ZFHX4: variants seen among roughly 807,000 people sequenced by gnomAD.
ZFHX4 encodes zinc finger homeobox 4, also known as zinc finger homeobox protein 4.
ZFHX4 carries 56 observed loss-of-function variants against 267.6 expected under a neutral mutation model. The ratio of observed to expected loss-of-function variants is 0.21; its 90% CI spans 0.17 to 0.26. The LOEUF (loss-of-function observed/expected upper bound fraction) is 0.26. ZFHX4 is among the 10% of genes least tolerant of loss of function. The probability of loss-of-function intolerance (pLI) is 1.00; values close to 1 mark genes in which losing one functional copy is unlikely to be tolerated. For synonymous variants in ZFHX4, 1,778 were observed against 1,665.6 expected (o/e 1.07, Z -1.64); for missense variants, 4,332 against 4,420.0 (o/e 0.98, Z 0.56).
chr8:76,804,233 C>G (rs766649445), intron 4 of ZFHX4, among the ~76,000 whole-genome samples: 7 of 151,962 alleles, frequency 4.6e-5, no homozygotes, highest in Non-Finnish European at 1.0e-4. Context: ...ACAATCAAGG[C>G]TTTTCCACCG....
chr8:76,705,504 G>C lies in ZFHX4; in HGVS notation c.1416G>C (p.Glu472Asp). 1 of 1,613,696 alleles carries C rather than the reference G, an allele frequency of 6.2e-7. No individual in the cohort carries two copies. Among genetic ancestry groups the C allele is most frequent in the Non-Finnish European group, 8.5e-7 (1 of 1,179,772 alleles). The change falls in exon 2 of 11, where the codon GAG becomes GAC. Residue 472 changes from glutamate to aspartate, a missense_variant. This residue lies in a region of ZFHX4 where 1,195 missense variants were observed against 1,173.6 expected (regional missense o/e 1.02). Coordinates refer to ENST00000651372, the MANE Select transcript of ZFHX4 (RefSeq NM_024721.5). The stretch of plus-strand genomic sequence containing the variant: ...GTGAACCCACTGAACCGGGAGATGA[G>C]GATGAAGAAGATGCGTACTCCAATG... ...VKSEPTEPGDEDEEDAYSNEL... is the reference protein window; with the variant it reads ...VKSEPTEPGDDDEEDAYSNEL...
At chr8:76,725,291 C>CT (rs1207505188) in intron 3 of ZFHX4, among the ~76,000 whole-genome samples, 1 of 152,104 alleles carries the variant, frequency 6.6e-6, no homozygotes, top group African/African-American at 2.4e-5. Flanking sequence ...TCGTATTTAA[C>CT]TACCTGTAAG....
At chr8:76,765,887 C>T (rs1585922335) in intron 3 of ZFHX4, among the ~76,000 whole-genome samples, 1 of 151,958 alleles carries the variant, frequency 6.6e-6, no homozygotes, top group South Asian at 2.1e-4. Context: ...GACCATACTG[C>T]CATTAATTAA....
rs1813011039 is a variant in ZFHX4, at chr8:76,865,807, A to G, written c.*1242A>G. The G allele has an allele frequency of 6.6e-6, 1 of 152,600 alleles. No homozygotes were observed. 9.5% of individuals were successfully genotyped at this position (152,600 alleles called of 1,614,324 possible). Reference sequence around the variant, plus strand: ...CCCTATACACTGCCATTTAGTGGATAGGTTATTGTACTTCCATTCATACTC... The same window carrying G: ...CCCTATACACTGCCATTTAGTGGATGGGTTATTGTACTTCCATTCATACTC... On this transcript the variant is annotated 3_prime_UTR_variant, in exon 11 of 11. Coordinates refer to ENST00000651372, the MANE Select transcript of ZFHX4 (RefSeq NM_024721.5).
rs867201237 is a variant in ZFHX4 at position 76,738,647 on chromosome 8, C to T, written c.3093+30599C>T. 4.2e-5 allele frequency among the ~76,000 whole-genome samples: 6 copies of T among 142,260 alleles called. No homozygotes were observed. In the South Asian group the frequency reaches 6.9e-4, roughly 16 times the overall value. 93.3% of individuals were successfully genotyped at this position (142,260 alleles called of 152,430 possible). ...CCTTCTTTCCTTCCTTCCTTCCTTC[C>T]TTCTTTCCTTCCTCCCTCCCTCCCT... is the stretch of plus-strand genomic sequence containing the variant. On this transcript the variant is annotated intron_variant, in intron 3 of 10. Transcript: ENST00000651372.
chr8:76,853,364 T>C lies in ZFHX4; in HGVS notation c.6443T>C (p.Phe2148Ser). The C allele has an allele frequency of 2.5e-6, 4 of 1,613,828 alleles. No individual in the cohort carries two copies. Among genetic ancestry groups the C allele is most frequent in the Non-Finnish European group, 3.4e-6 (4 of 1,179,864 alleles). The change falls in exon 10 of 11, where the codon TTT becomes TCT. Residue 2148 changes from phenylalanine (F) to serine (S), a missense_variant. Physicochemically the swap from Phe to Ser is radical, Grantham distance 155 (BLOSUM62 -2). This residue lies in a region of ZFHX4 where 48 missense variants were observed against 95.4 expected (regional missense o/e 0.50). Coordinates refer to ENST00000651372, the MANE Select transcript of ZFHX4 (RefSeq NM_024721.5). ...CAGCTAAAAATCCTGAGGGCTTATT[T>C]TGACATTAATAATTCTCCAAGTGAA... is the stretch of plus-strand genomic sequence containing the variant. ...DDQLKILRAYFDINNSPSEEQ... is the reference protein window; with the variant it reads ...DDQLKILRAYSDINNSPSEEQ...
chr8:76,699,283 A>C (rs1312646825), intron 1 of ZFHX4, among the ~76,000 whole-genome samples: 1 of 152,162 alleles, frequency 6.6e-6, no homozygotes, highest in Non-Finnish European at 1.5e-5. Flanking sequence ...TTGGAACATA[A>C]TGACTCCTTA....
At chr8:76,856,403 G>A (rs1353073851) in intron 10 of ZFHX4, 103 bp downstream of exon 10, 2 of 1,307,388 alleles carry the variant, frequency 1.5e-6, no homozygotes, top group East Asian at 5.0e-5. Flanking sequence ...TTTAATTTCA[G>A]CTAGTGAAAT....
chr8:76,805,394 C>G (rs1811220297), intron 4 of ZFHX4, among the ~76,000 whole-genome samples: 2 of 152,014 alleles, frequency 1.3e-5, no homozygotes. Flanking sequence ...TAAAGGACTA[C>G]CTAATTTAGT....
intron 3 of ZFHX4, among the ~76,000 whole-genome samples, chr8:76,745,167 T>C (rs1585903283): frequency 6.6e-6 from 1 of 152,142 alleles, no homozygotes; most frequent in South Asian, 2.1e-4. Flanking sequence ...GCACCATGGG[T>C]ATGATGCATG....
At chr8:76,702,670 T>G (rs1020345897) in intron 1 of ZFHX4, among the ~76,000 whole-genome samples, 1 of 152,216 alleles carries the variant, frequency 6.6e-6, no homozygotes, top group East Asian at 1.9e-4. Flanking sequence ...GCAACATTAA[T>G]CTTTCTTGTT....
chr8:76,855,321 T>G lies in ZFHX4; in HGVS notation c.8400T>G (p.Phe2800Leu). ...EAGYDQNKTD[F>L]DETSSINTAI... ...GGTATGATCAAAATAAAACCGATTTTGATGAGACTTCATCGATTAATACGG... is the reference window on the plus strand; with the variant it reads ...GGTATGATCAAAATAAAACCGATTTGGATGAGACTTCATCGATTAATACGG... The change falls in exon 10 of 11, where the codon TTT (phenylalanine) becomes TTG (leucine). Residue 2800 changes from phenylalanine (F) to leucine (L), a missense_variant. Coordinates refer to ENST00000651372, the MANE Select transcript of ZFHX4 (RefSeq NM_024721.5). 6.2e-7 allele frequency: 1 copy of G among 1,613,800 alleles called. No homozygotes were observed. The highest frequency in any genetic ancestry group is 1.1e-5 in the South Asian group (1 of 91,076).
chr8:76,797,308 A>G (rs1429159482), intron 4 of ZFHX4, among the ~76,000 whole-genome samples: 4 of 152,198 alleles, frequency 2.6e-5, no homozygotes, highest in Admixed American at 2.6e-4. Flanking sequence ...GCTGATAAAC[A>G]AGTGTTTTTA....
chr8:76,858,920 T>C (rs1300951857), intron 10 of ZFHX4, among the ~76,000 whole-genome samples: 1 of 152,194 alleles, frequency 6.6e-6, no homozygotes, highest in Non-Finnish European at 1.5e-5. Flanking sequence ...GCCTTCATTT[T>C]AAGGATGTCC....
At chr8:76,841,354 T>G (rs1380477618) in intron 5 of ZFHX4, among the ~76,000 whole-genome samples, 1 of 152,200 alleles carries the variant, frequency 6.6e-6, no homozygotes, top group Non-Finnish European at 1.5e-5. Context: ...TATTTCATTC[T>G]GCTGTCAGAA....
intron 5 of ZFHX4, among the ~76,000 whole-genome samples, chr8:76,840,053 A>C (rs72659523): frequency 0.011 from 1,705 of 152,266 alleles, 15 homozygotes; most frequent in Admixed American, 0.018. Flanking sequence ...TTTTTGCATG[A>C]TTAAAAATTT....
intron 4 of ZFHX4, among the ~76,000 whole-genome samples, chr8:76,805,664 C>G (rs1207132512): frequency 5.3e-5 from 8 of 150,162 alleles, no homozygotes; most frequent in Admixed American, 5.3e-4. Context: ...ATTATGTTGT[C>G]CCTTAGATAG....
intron 4 of ZFHX4, among the ~76,000 whole-genome samples, chr8:76,787,828 A>T (rs1475481478): frequency 6.6e-6 from 1 of 151,886 alleles, no homozygotes; most frequent in Non-Finnish European, 1.5e-5. Context: ...AAGAAAAAAG[A>T]AAATATGACT....
At chr8:76,800,600 C>T (rs934944043) in intron 4 of ZFHX4, among the ~76,000 whole-genome samples, 4 of 152,182 alleles carry the variant, frequency 2.6e-5, no homozygotes, top group African/African-American at 9.7e-5. Flanking sequence ...TAAATGTATA[C>T]ATCAAGGCCG....
Sources: allele counts gnomAD v4.1 joint callset (sites outside exome capture counted in the v4.1 genomes callset), GRCh38; gene constraint gnomAD v4.1.1; regional missense constraint gnomAD v4.1.1; transcripts MANE v1.5; gene names NCBI Gene and HGNC (gene_info 2026-07-23, HGNC 2026-07-21).